The following ZCCHC4 variants were observed in gnomAD, a reference collection of about 807,000 sequenced individuals.
ZCCHC4 encodes the protein rRNA N(6)-adenosine-methyltransferase ZCCHC4.
In ZCCHC4, 54 loss-of-function variants were observed where a neutral mutation model predicts 67.7. That is an observed-to-expected ratio of 0.80 (90% CI 0.64 to 1.00). The LOEUF (loss-of-function observed/expected upper bound fraction) is 1.00, where lower values mean the gene tolerates loss of function less well. Among genes scored for constraint, ZCCHC4 ranks in the 50% least tolerant of loss-of-function variants. The pLI, the probability that ZCCHC4 is intolerant of heterozygous loss-of-function variation, is 0.00. For missense variants in ZCCHC4, 609 were observed against 617.0 expected (o/e 0.99, Z 0.14); for synonymous variants, 198 against 213.5 (o/e 0.93, Z 0.63).
At chr4:25,351,753 A>G in intron 8 of ZCCHC4, 64 bp downstream of exon 8, 1 of 1,325,568 alleles carries the variant, frequency 7.5e-7, no homozygotes, top group African/African-American at 1.5e-5. Context: ...AATAGATATA[A>G]GACTATTCAT....
intron 3 of ZCCHC4, among the ~76,000 whole-genome samples, chr4:25,325,716 T>C (rs565729423): frequency 5.9e-5 from 9 of 152,322 alleles, no homozygotes; most frequent in African/African-American, 2.2e-4. Context: ...TTGTGCTTAG[T>C]CTTATTTAAG....
intron 3 of ZCCHC4, among the ~76,000 whole-genome samples, chr4:25,317,583 C>T (rs1315515425): frequency 1.3e-5 from 2 of 151,330 alleles, no homozygotes; most frequent in African/African-American, 4.9e-5. Flanking sequence ...GTAGTGGCAG[C>T]GCCTATAATC....
intron 3 of ZCCHC4, among the ~76,000 whole-genome samples, chr4:25,325,262 A>G (rs1164778346): frequency 4.0e-5 from 6 of 148,430 alleles, no homozygotes; most frequent in African/African-American, 1.5e-4. Context: ...AAAAAAAAAA[A>G]AGAAATATTT....
intron 3 of ZCCHC4, among the ~76,000 whole-genome samples, chr4:25,318,300 T>C (rs1181019868): frequency 6.6e-6 from 1 of 151,674 alleles, no homozygotes; most frequent in Non-Finnish European, 1.5e-5. Flanking sequence ...CATAGTAAAA[T>C]TTTAGTTTGG....
chr4:25,320,098 A>G (rs778889294), intron 3 of ZCCHC4, among the ~76,000 whole-genome samples: 10 of 151,582 alleles, frequency 6.6e-5, no homozygotes, highest in Non-Finnish European at 8.8e-5. Flanking sequence ...TTTGATTTTC[A>G]TTTTTCTAAT....
chr4:25,340,428 A>G (rs78676702), intron 5 of ZCCHC4, among the ~76,000 whole-genome samples: 4,511 of 151,736 alleles, frequency 0.03, 221 homozygotes, highest in African/African-American at 0.1. Flanking sequence ...AATGGGAAGT[A>G]TGAGTCTTCC....
chr4:25,330,916 C>T (rs1031297682), intron 3 of ZCCHC4, among the ~76,000 whole-genome samples: 10 of 152,130 alleles, frequency 6.6e-5, no homozygotes, highest in African/African-American at 1.9e-4. Flanking sequence ...GCCGAAGACT[C>T]GAGGGGAATT....
At chr4:25,343,091 C>T (rs1201145031) in intron 5 of ZCCHC4, among the ~76,000 whole-genome samples, 1 of 152,194 alleles carries the variant, frequency 6.6e-6, no homozygotes, top group African/African-American at 2.4e-5. Context: ...ATCATGTTTA[C>T]ACATGGTTGT....
chr4:25,325,386 GC>G (rs1438812654), intron 3 of ZCCHC4, among the ~76,000 whole-genome samples: 12 of 143,494 alleles, frequency 8.4e-5, no homozygotes, highest in Admixed American at 7.9e-4. Flanking sequence ...TCGTGCCTCA[GC>G]CTCCTGAGTG....
At chr4:25,339,882 T>G (rs1019368081) in intron 5 of ZCCHC4, among the ~76,000 whole-genome samples, 1 of 152,010 alleles carries the variant, frequency 6.6e-6, no homozygotes, top group Non-Finnish European at 1.5e-5. Flanking sequence ...AGATTTTTTT[T>G]TTTTTTTGAG....
intron 2 of ZCCHC4, among the ~76,000 whole-genome samples, chr4:25,315,060 T>G (rs1207803647): frequency 6.6e-6 from 1 of 152,206 alleles, no homozygotes; most frequent in African/African-American, 2.4e-5. Flanking sequence ...AGGTGAATAC[T>G]TGGTTTGTGT....
intron 5 of ZCCHC4, among the ~76,000 whole-genome samples, chr4:25,336,993 T>C (rs994739555): frequency 5.3e-5 from 8 of 152,368 alleles, no homozygotes; most frequent in African/African-American, 1.9e-4. Context: ...CTCCAAAAAC[T>C]AAGCTATCCT....
At chr4:25,322,756 G>A (rs182847457) in intron 3 of ZCCHC4, among the ~76,000 whole-genome samples, 86 of 152,180 alleles carry the variant, frequency 5.7e-4, no homozygotes, top group African/African-American at 2.0e-3. Flanking sequence ...GGCTTCAAGC[G>A]ATCCACCCAC....
chr4:25,347,217 A>G (rs1397484873), intron 6 of ZCCHC4, among the ~76,000 whole-genome samples: 1 of 152,184 alleles, frequency 6.6e-6, no homozygotes, highest in Non-Finnish European at 1.5e-5. Context: ...TTAATACCAT[A>G]CTATGGTTTT....
intron 5 of ZCCHC4, among the ~76,000 whole-genome samples, chr4:25,334,850 T>C (rs1027894642): frequency 5.9e-5 from 9 of 151,976 alleles, no homozygotes; most frequent in African/African-American, 1.5e-4. Context: ...TTTTTTTTTT[T>C]CCTCTTAGAC....
chr4:25,363,005 C>T (rs935670217), intron 10 of ZCCHC4, among the ~76,000 whole-genome samples: 4 of 152,236 alleles, frequency 2.6e-5, no homozygotes, highest in South Asian at 4.1e-4. Context: ...GATGGGCCTG[C>T]GTTGACACAT....
intron 7 of ZCCHC4, 178 bp downstream of exon 7, chr4:25,349,820 T>C: frequency 1.6e-6 from 1 of 636,186 alleles, no homozygotes; most frequent in South Asian, 2.3e-5. Flanking sequence ...CTTTGTATTA[T>C]TCTAATCATG....
At chr4:25,339,862 A>G (rs1006603731) in intron 5 of ZCCHC4, among the ~76,000 whole-genome samples, 4 of 150,940 alleles carry the variant, frequency 2.7e-5, no homozygotes, top group African/African-American at 9.7e-5. Flanking sequence ...TAGGTCTTTA[A>G]TCTATTTTGA....
chr4:25,352,647 C>G (rs1720355806), intron 8 of ZCCHC4: 1 of 153,224 alleles, frequency 6.5e-6, no homozygotes, highest in African/African-American at 2.4e-5. Context: ...AACTCATGGC[C>G]TCAAGTGATC....
Sources: allele counts gnomAD v4.1 joint callset (sites outside exome capture counted in the v4.1 genomes callset), GRCh38; gene constraint gnomAD v4.1.1; transcripts MANE v1.5; gene names NCBI Gene and HGNC (gene_info 2026-07-23, HGNC 2026-07-21).